PSEN2: variants seen among roughly 807,000 people sequenced by gnomAD.
PSEN2 encodes the protein presenilin 2.
In PSEN2, 32 loss-of-function variants were observed where a neutral mutation model predicts 49.1. The ratio of observed to expected loss-of-function variants is 0.65; its 90% CI spans 0.49 to 0.88. The LOEUF (loss-of-function observed/expected upper bound fraction) is 0.88, where lower values mean the gene tolerates loss of function less well. PSEN2 is among the 40% of genes least tolerant of loss of function. The probability of loss-of-function intolerance (pLI) is 0.00; values close to 1 mark genes in which losing one functional copy is unlikely to be tolerated. For missense variants in PSEN2, 522 were observed against 586.9 expected (o/e 0.89, Z 1.14); for synonymous variants, 255 against 244.0 (o/e 1.05, Z -0.42).
downstream of PSEN2, among the ~76,000 whole-genome samples, chr1:226,901,453 A>AT (rs1031628536): frequency 1.4e-4 from 21 of 148,180 alleles, no homozygotes; most frequent in African/African-American, 4.9e-4. Flanking sequence ...AAAAAAAAAA[A>AT]GTATGATTTT....
chr1:226,886,217 T>A (rs1661355662), intron 6 of PSEN2, among the ~76,000 whole-genome samples: 1 of 152,226 alleles, frequency 6.6e-6, no homozygotes, highest in African/African-American at 2.4e-5. Flanking sequence ...CTCATTGCAG[T>A]GTTCCAAGCA....
intron 3 of PSEN2, among the ~76,000 whole-genome samples, chr1:226,877,899 G>A (rs1660734845): frequency 1.3e-5 from 2 of 152,180 alleles, no homozygotes; most frequent in Non-Finnish European, 2.9e-5. Context: ...GTCAGCGAGT[G>A]TGGATGATGA....
At chr1:226,882,732 T>C (rs1192588294) in intron 4 of PSEN2, among the ~76,000 whole-genome samples, 1 of 152,186 alleles carries the variant, frequency 6.6e-6, no homozygotes, top group Non-Finnish European at 1.5e-5. Context: ...CTCCATGTTC[T>C]CCTTGAGAAC....
intron 3 of PSEN2, among the ~76,000 whole-genome samples, chr1:226,876,769 T>G (rs1463521905): frequency 6.6e-6 from 1 of 152,222 alleles, no homozygotes; most frequent in Non-Finnish European, 1.5e-5. Flanking sequence ...CCTGTCACAG[T>G]CTCCATGAAG....
At chr1:226,871,501 A>G (rs1660287873) in intron 2 of PSEN2, 97 bp downstream of exon 2, 1 of 152,142 alleles carries the variant, frequency 6.6e-6, no homozygotes, top group Admixed American at 6.5e-5. Flanking sequence ...TTATTGCCTT[A>G]ATAAGTATTC....
At chr1:226,891,887 G>C in intron 11 of PSEN2, 43 bp downstream of exon 11, 3 of 1,579,244 alleles carry the variant, frequency 1.9e-6, no homozygotes, top group Non-Finnish European at 2.6e-6. Flanking sequence ...GCCTACGGCG[G>C]GAGCGGAGAC....
At chr1:226,884,284 G>A (rs1661204556) in intron 5 of PSEN2, among the ~76,000 whole-genome samples, 1 of 152,194 alleles carries the variant, frequency 6.6e-6, no homozygotes, top group African/African-American at 2.4e-5. Flanking sequence ...CCTGGGCATG[G>A]CTGTGCCACT....
At chr1:226,895,348 A>G in intron 12 of PSEN2, 76 bp from the exon 13 acceptor site, 1 of 1,561,664 alleles carries the variant, frequency 6.4e-7, no homozygotes, top group Non-Finnish European at 8.8e-7. Context: ...TCCTGTGCCC[A>G]GGGACTAGAC....
rs116807339 is a variant in PSEN2 at position 226,895,984 on chromosome 1, G to T, written c.*405G>T. On this transcript the variant is annotated 3_prime_UTR_variant, in exon 13 of 13. Coordinates refer to ENST00000366783, the MANE Select transcript of PSEN2 (RefSeq NM_000447.3). ...GGAGTGTTCCCAATGCTTTGTCCATGATGTCCTTGTTATTTTATTGCCTTT... is the reference window on the plus strand; with the variant it reads ...GGAGTGTTCCCAATGCTTTGTCCATTATGTCCTTGTTATTTTATTGCCTTT... The T allele has an allele frequency of 2.9e-3, 830 of 284,844 alleles. 4 individuals carry two copies. The highest frequency in any genetic ancestry group is 0.016 in the African/African-American group (759 of 46,314). 17.6% of individuals were successfully genotyped at this position (284,844 alleles called of 1,614,324 possible). A position where few individuals can be genotyped will look rare whatever the true frequency, so the allele number is the denominator to read the frequency against.
At chr1:226,891,444 C>T (rs1661740093) in intron 10 of PSEN2, 83 bp downstream of exon 10, 3 of 1,260,016 alleles carry the variant, frequency 2.4e-6, no homozygotes, top group East Asian at 2.5e-5. Context: ...GCCTGGCTTC[C>T]CTGAGAGGCA....
chr1:226,890,198 G>T (rs1661653213), intron 9 of PSEN2, 65 bp downstream of exon 9: 1 of 1,364,934 alleles, frequency 7.3e-7, no homozygotes, highest in African/African-American at 1.4e-5. Context: ...GGGGACAGGG[G>T]CCTGCTTCCT....
intron 4 of PSEN2, among the ~76,000 whole-genome samples, 180 bp from the exon 5 acceptor site, chr1:226,883,525 C>T (rs1661129786): frequency 6.6e-6 from 1 of 152,230 alleles, no homozygotes; most frequent in Non-Finnish European, 1.5e-5. Flanking sequence ...TCATCCAGCT[C>T]CAAATCTTCT....
At chr1:226,873,519 G>C (rs1295236061) in intron 2 of PSEN2, among the ~76,000 whole-genome samples, 1 of 151,992 alleles carries the variant, frequency 6.6e-6, no homozygotes, top group Non-Finnish European at 1.5e-5. Flanking sequence ...GGGTTCTAGC[G>C]ACTCTCCTGC....
intron 6 of PSEN2, among the ~76,000 whole-genome samples, chr1:226,886,839 C>T (rs1189997084): frequency 2.0e-5 from 3 of 152,114 alleles, no homozygotes; most frequent in Non-Finnish European, 4.4e-5. Flanking sequence ...TTGTGGTGCA[C>T]GCCTGTGGTC....
intron 4 of PSEN2, 146 bp downstream of exon 4, chr1:226,882,194 A>G (rs1661046503): frequency 3.5e-6 from 4 of 1,151,152 alleles, no homozygotes; most frequent in African/African-American, 3.1e-5. Flanking sequence ...GTGGCTGGCC[A>G]TGATGGACCT....
Position 226,885,650 on chromosome 1 carries a change from G to A in PSEN2, c.469G>A (p.Val157Met), listed in dbSNP as rs780284265. The change falls in exon 6 of 13, where the codon GTG becomes ATG. Residue 157 changes from valine to methionine, a missense_variant. Transcript: ENST00000366783. The stretch of plus-strand genomic sequence containing the variant: ...CATCGTGGTTATGACCATCTTCTTG[G>A]TGGTGCTCTACAAGTACCGCTGCTA... ...SVIVVMTIFL[V>M]VLYKYRCYKF... 1 of 1,610,640 alleles carries A rather than the reference G, an allele frequency of 6.2e-7. No homozygotes were observed. Among genetic ancestry groups the A allele is most frequent in the Admixed American group, 1.7e-5 (1 of 60,006 alleles).
At chr1:226,882,669 A>C (rs1388281919) in intron 4 of PSEN2, among the ~76,000 whole-genome samples, 19 of 152,050 alleles carry the variant, frequency 1.2e-4, no homozygotes, top group Admixed American at 1.2e-3. Context: ...CTCTGTGTGG[A>C]CTGTTTTCTT....
At chr1:226,889,922 C>G in intron 8 of PSEN2, 113 bp from the exon 9 acceptor site, 1 of 864,526 alleles carries the variant, frequency 1.2e-6, no homozygotes. Context: ...GATGCCAGCC[C>G]AGAGGCAAGG....
downstream of PSEN2, chr1:226,899,393 A>G (rs755405512): frequency 2.6e-5 from 4 of 152,318 alleles, no homozygotes; most frequent in Non-Finnish European, 4.4e-5. Context: ...CCAAGTTTCC[A>G]TAAGTGGGTG....
Sources: allele counts gnomAD v4.1 joint callset (sites outside exome capture counted in the v4.1 genomes callset), GRCh38; gene constraint gnomAD v4.1.1; transcripts MANE v1.5; gene names NCBI Gene and HGNC (gene_info 2026-07-23, HGNC 2026-07-21).